Variants in HSD11B1 observed in about 807,000 individuals in gnomAD.
HSD11B1 encodes the protein hydroxysteroid 11-beta dehydrogenase 1, also known as 11-beta-hydroxysteroid dehydrogenase 1.
HSD11B1 carries 15 observed loss-of-function variants against 22.1 expected under a neutral mutation model. The ratio of observed to expected loss-of-function variants is 0.68; its 90% CI spans 0.45 to 1.04. The LOEUF (loss-of-function observed/expected upper bound fraction) is 1.04. Ranked by LOEUF, HSD11B1 falls within the 50% of genes least tolerant of loss-of-function variation. The probability of loss-of-function intolerance (pLI) is 0.00; values close to 1 mark genes in which losing one functional copy is unlikely to be tolerated. For synonymous variants in HSD11B1, 122 were observed against 125.2 expected, an observed-to-expected ratio of 0.97 and a Z score of 0.17; for missense variants, 281 against 357.6, an observed-to-expected ratio of 0.79 and a Z score of 1.73.
chr1:209,704,940 CG>C lies in HSD11B1; in HGVS notation c.-1del. The C allele has an allele frequency of 6.2e-7, 1 of 1,612,868 alleles. No individual in the cohort carries two copies. Among genetic ancestry groups the C allele is most frequent in the Non-Finnish European group, 8.5e-7 (1 of 1,178,982 alleles). On this transcript the variant is annotated 5_prime_UTR_variant, in exon 1 of 6. Transcript: ENST00000367027. ...AGGAGTCTTCAGGCCAGCTCCCTGT[CG>C]GATGGCTTTTATGAAAAAATATCTC...
At chr1:209,687,091 A>G (rs948568291) in intron 1 of HSD11B1, among the ~76,000 whole-genome samples, 1 of 152,222 alleles carries the variant, frequency 6.6e-6, no homozygotes, top group East Asian at 1.9e-4. Flanking sequence ...TCAATAGACC[A>G]TATCATCCAG....
Position 209,714,083 on chromosome 1 carries a change from G to A in HSD11B1, c.517+6955G>A, listed in dbSNP as rs1438112777. Among the ~76,000 whole-genome samples, 6 of 152,212 alleles carry A rather than the reference G, an allele frequency of 3.9e-5. No homozygotes were observed. The East Asian group carries it at 9.6e-4, about 24-fold the overall frequency. On this transcript the variant is annotated intron_variant, in intron 4 of 5. Transcript: ENST00000367027. ...AGGTCAACTCTGAGTCAGGCACTAT[G>A]CCAGATGCCAAGGCTATGGCAGGGA...
At chr1:209,690,321 T>G (rs924925134) in intron 1 of HSD11B1, among the ~76,000 whole-genome samples, 1 of 151,588 alleles carries the variant, frequency 6.6e-6, no homozygotes, top group Non-Finnish European at 1.5e-5. Flanking sequence ...ATAATAATAA[T>G]AAGATAAAAT....
At chr1:209,699,919 A>G (rs2076816496), upstream of HSD11B1, among the ~76,000 whole-genome samples, 1 of 152,214 alleles carries the variant, frequency 6.6e-6, no homozygotes, top group South Asian at 2.1e-4. Flanking sequence ...TAAAGCTCCA[A>G]AATGATCTCC....
intron 1 of HSD11B1, among the ~76,000 whole-genome samples, chr1:209,693,515 A>G (rs1192714558): frequency 1.3e-5 from 2 of 152,224 alleles, no homozygotes. Flanking sequence ...CAAGGATTCA[A>G]TATCCACCCG....
chr1:209,732,939 T>G (rs1443529000), intron 5 of HSD11B1, among the ~76,000 whole-genome samples: 13 of 152,180 alleles, frequency 8.5e-5, no homozygotes, highest in Admixed American at 8.5e-4. Context: ...TGACCTCATG[T>G]GTAATGCACT....
At chr1:209,732,610 T>G in intron 5 of HSD11B1, 31 bp downstream of exon 5, 1 of 1,569,052 alleles carries the variant, frequency 6.4e-7, no homozygotes, top group South Asian at 1.1e-5. Flanking sequence ...TTTTTTTTAA[T>G]TATTATACTT....
intron 4 of HSD11B1, among the ~76,000 whole-genome samples, chr1:209,724,490 A>T (rs1199493316): frequency 6.6e-6 from 1 of 152,220 alleles, no homozygotes; most frequent in East Asian, 1.9e-4. Context: ...CTCCCTTCAG[A>T]ACGTGGAAGC....
chr1:209,697,908 TTTTTTTG>T (rs2076801511), intron 1 of HSD11B1, among the ~76,000 whole-genome samples: 2 of 128,792 alleles, frequency 1.6e-5, no homozygotes, highest in Admixed American at 8.0e-5. Context: ...TTTTTTTTTT[TTTTTTTG>T]AGATGAGGGT....
intron 4 of HSD11B1, chr1:209,724,132 ATTTC>A (rs1371950358): frequency 2.0e-5 from 3 of 152,230 alleles, no homozygotes; most frequent in Non-Finnish European, 4.4e-5. Flanking sequence ...TGTGGGCTGG[ATTTC>A]AGGTCCACCT....
At chr1:209,720,596 G>A (rs1458292147) in intron 4 of HSD11B1, among the ~76,000 whole-genome samples, 1 of 150,924 alleles carries the variant, frequency 6.6e-6, no homozygotes, top group Non-Finnish European at 1.5e-5. Context: ...AAAATAACTG[G>A]CTGTACTCTC....
chr1:209,696,138 G>A lies in HSD11B1; in HGVS notation c.-48-8757G>A, dbSNP rs141789268. Among the ~76,000 whole-genome samples the A allele has an allele frequency of 3.3e-3, 505 of 152,278 alleles. 3 individuals are homozygous for A. The highest frequency in any genetic ancestry group is 0.012 in the African/African-American group (485 of 41,554). On this transcript the variant is annotated intron_variant, in intron 1 of 6. Coordinates refer to the HSD11B1 transcript ENST00000261465. ...TTGTGTAGTTCTACTAATATAAAAT[G>A]TCCAGGGCAGGCAAGTCTATACATG...
chr1:209,726,685 C>T (rs2077005082), intron 4 of HSD11B1, among the ~76,000 whole-genome samples: 1 of 152,196 alleles, frequency 6.6e-6, no homozygotes, highest in African/African-American at 2.4e-5. Flanking sequence ...TTCACTACTT[C>T]TCTCCTTTCT....
chr1:209,731,238 A>G (rs953548001), intron 4 of HSD11B1, among the ~76,000 whole-genome samples: 3 of 152,248 alleles, frequency 2.0e-5, no homozygotes, highest in Non-Finnish European at 4.4e-5. Flanking sequence ...TTAAGATTCA[A>G]ATAATTGAAC....
At chr1:209,733,468 G>C (rs2077047952) in intron 5 of HSD11B1, among the ~76,000 whole-genome samples, 1 of 152,132 alleles carries the variant, frequency 6.6e-6, no homozygotes, top group Admixed American at 6.5e-5. Context: ...ATAAGATCCA[G>C]GAACATAAAA....
At chr1:209,733,211 T>C (rs2077046633) in intron 5 of HSD11B1, among the ~76,000 whole-genome samples, 1 of 152,232 alleles carries the variant, frequency 6.6e-6, no homozygotes, top group Non-Finnish European at 1.5e-5. Flanking sequence ...CACACTGGTA[T>C]CATGAACTCT....
chr1:209,720,031 G>T (rs182661835), intron 4 of HSD11B1, among the ~76,000 whole-genome samples: 60 of 152,220 alleles, frequency 3.9e-4, no homozygotes, highest in African/African-American at 1.3e-3. Context: ...AAACCAACAT[G>T]GCACATGTGT....
At chr1:209,698,763 T>C (rs2076808494) in intron 1 of HSD11B1, among the ~76,000 whole-genome samples, 1 of 152,200 alleles carries the variant, frequency 6.6e-6, no homozygotes, top group South Asian at 2.1e-4. Flanking sequence ...CAGAATTTTT[T>C]TGATTATAAA....
At chr1:209,713,049 C>CA (rs796350368) in intron 4 of HSD11B1, among the ~76,000 whole-genome samples, 172 of 150,136 alleles carry the variant, frequency 1.1e-3, no homozygotes, top group African/African-American at 3.9e-3. Context: ...AACTCCATCT[C>CA]AAAAAAAAAG....
Sources: gnomAD v4.1 joint callset for allele counts (sites outside exome capture counted in the v4.1 genomes callset) on GRCh38, gnomAD v4.1.1 for gene constraint, MANE v1.5 for transcripts, NCBI Gene and HGNC (gene_info 2026-07-23, HGNC 2026-07-21) for gene names.